The following AUTS2 variants were observed in gnomAD, a reference collection of about 807,000 sequenced individuals.
AUTS2 encodes the protein activator of transcription and developmental regulator AUTS2.
In AUTS2, 17 loss-of-function variants were observed where a neutral mutation model predicts 112.4. That is an observed-to-expected ratio of 0.15 (90% CI 0.10 to 0.23). The LOEUF is 0.23. Ranked by LOEUF, AUTS2 falls within the 10% of genes least tolerant of loss-of-function variation. The pLI, the probability that AUTS2 is intolerant of heterozygous loss-of-function variation, is 1.00. For synonymous variants in AUTS2, 751 were observed against 702.7 expected (o/e 1.07, Z -1.09); for missense variants, 1,510 against 1,701.6 (o/e 0.89, Z 1.98).
intron 7 of AUTS2, among the ~76,000 whole-genome samples, chr7:70,763,901 G>T (rs1393482876): frequency 6.6e-6 from 1 of 152,086 alleles, no homozygotes; most frequent in Non-Finnish European, 1.5e-5. Context: ...GAGAAAGTGA[G>T]AAATTTCTTT....
chr7:70,336,987 C>A (rs575051941), intron 4 of AUTS2, among the ~76,000 whole-genome samples: 1 of 152,156 alleles, frequency 6.6e-6, no homozygotes, highest in Non-Finnish European at 1.5e-5. Flanking sequence ...CTTTCATTGA[C>A]TGTGGTATTG....
chr7:70,551,770 G>A (rs1173800541), intron 5 of AUTS2, among the ~76,000 whole-genome samples: 2 of 152,184 alleles, frequency 1.3e-5, no homozygotes, highest in African/African-American at 4.8e-5. Flanking sequence ...ACATACTAAT[G>A]TAAGATTTAG....
chr7:69,601,762 T>TG (rs1232885845), intron 1 of AUTS2, among the ~76,000 whole-genome samples: 2 of 152,126 alleles, frequency 1.3e-5, no homozygotes, highest in African/African-American at 4.8e-5. Flanking sequence ...TGGGTGGTGG[T>TG]TACCATACAG....
intron 2 of AUTS2, among the ~76,000 whole-genome samples, chr7:70,074,783 A>C (rs1387962029): frequency 6.6e-6 from 1 of 152,188 alleles, no homozygotes; most frequent in Admixed American, 6.5e-5. Context: ...TTTGCTGTGG[A>C]GGTACCTGGC....
chr7:70,430,375 A>ATT (rs1372438970), intron 4 of AUTS2, among the ~76,000 whole-genome samples: 3 of 152,170 alleles, frequency 2.0e-5, no homozygotes, highest in African/African-American at 7.2e-5. Context: ...AATACTTAAC[A>ATT]TTTATCATCT....
chr7:69,696,080 G>A (rs1181026897), intron 1 of AUTS2, among the ~76,000 whole-genome samples: 1 of 152,202 alleles, frequency 6.6e-6, no homozygotes, highest in Non-Finnish European at 1.5e-5. Context: ...ACATGCATCT[G>A]TCAGATCATG....
At chr7:70,317,858 A>G (rs1790069885) in intron 4 of AUTS2, among the ~76,000 whole-genome samples, 2 of 152,140 alleles carry the variant, frequency 1.3e-5, no homozygotes, top group South Asian at 2.1e-4. Flanking sequence ...GCTTAGTACA[A>G]TCTTTTTGGA....
chr7:70,671,873 GAGAGTGGA>G (rs537613406), intron 5 of AUTS2, among the ~76,000 whole-genome samples: 45 of 152,302 alleles, frequency 3.0e-4, no homozygotes, highest in African/African-American at 1.1e-3. Flanking sequence ...GGTGAAAAGT[GAGAGTGGA>G]AGACACTAGA....
chr7:69,870,904 T>A (rs1793466357), intron 1 of AUTS2, among the ~76,000 whole-genome samples: 1 of 152,250 alleles, frequency 6.6e-6, no homozygotes, highest in Admixed American at 6.5e-5. Context: ...TTCATGGTTC[T>A]GTTGTGCAAT....
chr7:70,346,606 G>A (rs1025302598), intron 4 of AUTS2, among the ~76,000 whole-genome samples: 2 of 152,080 alleles, frequency 1.3e-5, no homozygotes, highest in African/African-American at 4.8e-5. Context: ...GTCTTCCTGA[G>A]CTACCCCCGG....
intron 4 of AUTS2, among the ~76,000 whole-genome samples, chr7:70,386,453 T>C (rs1415050290): frequency 2.0e-5 from 3 of 152,228 alleles, no homozygotes; most frequent in African/African-American, 7.2e-5. Flanking sequence ...TAGTAAATTG[T>C]ACAACCATCA....
intron 3 of AUTS2, among the ~76,000 whole-genome samples, chr7:70,126,950 C>T (rs1002370466): frequency 2.0e-5 from 3 of 152,036 alleles, no homozygotes; most frequent in African/African-American, 7.2e-5. Context: ...CCTCAGCCTC[C>T]CAAGTAGCTG....
chr7:69,993,406 A>G (rs193166979), intron 2 of AUTS2, among the ~76,000 whole-genome samples: 58 of 152,272 alleles, frequency 3.8e-4, no homozygotes, highest in Non-Finnish European at 7.4e-4. Context: ...TACTGTTACC[A>G]AAGAGTGAAT....
chr7:70,141,999 C>A (rs1806890862), intron 4 of AUTS2, among the ~76,000 whole-genome samples: 3 of 152,192 alleles, frequency 2.0e-5, no homozygotes, highest in Non-Finnish European at 4.4e-5. Context: ...AAAAAATAAT[C>A]AGGTGAGAAA....
chr7:70,157,405 A>G lies in AUTS2; in HGVS notation c.660+22834A>G, dbSNP rs183992464. On this transcript the variant is annotated intron_variant, in intron 4 of 18. Coordinates refer to ENST00000342771, the MANE Select transcript of AUTS2 (RefSeq NM_015570.4). ...GCGATCCTCCTATCTCAGCCTCCCA[A>G]AGTAGTTGGGACCACAGGCACATGC... Among the ~76,000 whole-genome samples the G allele has an allele frequency of 6.3e-4, 96 of 152,118 alleles. 2 individuals carry two copies. The highest frequency in any genetic ancestry group is 6.2e-3 in the Admixed American group (94 of 15,282).
chr7:70,312,377 T>A (rs1177211243), intron 4 of AUTS2, among the ~76,000 whole-genome samples: 2 of 152,204 alleles, frequency 1.3e-5, no homozygotes, highest in Non-Finnish European at 2.9e-5. Flanking sequence ...ATCTTCTCCC[T>A]CTTGTCAGTT....
At chr7:70,646,655 T>C (rs1806178608) in intron 5 of AUTS2, among the ~76,000 whole-genome samples, 2 of 152,256 alleles carry the variant, frequency 1.3e-5, no homozygotes, top group Non-Finnish European at 2.9e-5. Flanking sequence ...CCGGAATGAC[T>C]GAATCATTGC....
At chr7:70,401,311 T>A (rs561817272) in intron 4 of AUTS2, among the ~76,000 whole-genome samples, 2 of 152,272 alleles carry the variant, frequency 1.3e-5, no homozygotes. Context: ...ATGGGGCATA[T>A]CAGCTCCTCC....
At chr7:70,319,690 G>A (rs938429667) in intron 4 of AUTS2, among the ~76,000 whole-genome samples, 1 of 152,138 alleles carries the variant, frequency 6.6e-6, no homozygotes, top group African/African-American at 2.4e-5. Context: ...TTTCCTCAGG[G>A]CTCAGAACAT....
Sources: gnomAD v4.1 joint callset for allele counts (sites outside exome capture counted in the v4.1 genomes callset) on GRCh38, gnomAD v4.1.1 for gene constraint, MANE v1.5 for transcripts, NCBI Gene and HGNC (gene_info 2026-07-23, HGNC 2026-07-21) for gene names.